Variants in DYNC1I1 observed in about 807,000 individuals in gnomAD.
DYNC1I1 encodes dynein cytoplasmic 1 intermediate chain 1.
A neutral mutation model predicts 86.6 loss-of-function variants in DYNC1I1; 43 were observed. The ratio of observed to expected loss-of-function variants is 0.50; its 90% CI spans 0.39 to 0.64. DYNC1I1 has a LOEUF of 0.64. DYNC1I1 is among the 30% of genes least tolerant of loss of function. DYNC1I1 has a pLI of 0.00. For synonymous variants in DYNC1I1, 262 were observed against 283.7 expected, an observed-to-expected ratio of 0.92 and a Z score of 0.77; for missense variants, 604 against 788.8, an observed-to-expected ratio of 0.77 and a Z score of 2.81.
At chr7:95,778,239 A>G (rs1425992332) in intron 1 of DYNC1I1, among the ~76,000 whole-genome samples, 1 of 152,238 alleles carries the variant, frequency 6.6e-6, no homozygotes, top group Admixed American at 6.5e-5. Flanking sequence ...GCCCCGAATA[A>G]TTCTACAACC....
At chr7:96,072,183 G>C (rs1343185437) in intron 14 of DYNC1I1, among the ~76,000 whole-genome samples, 1 of 152,158 alleles carries the variant, frequency 6.6e-6, no homozygotes, top group African/African-American at 2.4e-5. Context: ...GTCTGCCTGG[G>C]AGGTGACCGG....
intron 10 of DYNC1I1, among the ~76,000 whole-genome samples, chr7:96,006,188 G>T (rs1794137697): frequency 6.6e-6 from 1 of 152,154 alleles, no homozygotes; most frequent in Non-Finnish European, 1.5e-5. Flanking sequence ...TATGTGTAAT[G>T]GGAGATATAT....
At chr7:96,068,384 TTAAA>T (rs1790057905) in intron 14 of DYNC1I1, among the ~76,000 whole-genome samples, 1 of 152,232 alleles carries the variant, frequency 6.6e-6, no homozygotes, top group South Asian at 2.1e-4. Flanking sequence ...TGTACTCATA[TTAAA>T]TATAATGTAA....
At chr7:95,940,853 C>T (rs766947891) in intron 6 of DYNC1I1, among the ~76,000 whole-genome samples, 2 of 152,186 alleles carry the variant, frequency 1.3e-5, no homozygotes, top group Non-Finnish European at 2.9e-5. Context: ...GAGCTACGTT[C>T]CTTTGGAGGA....
At chr7:95,921,816 A>C (rs1791617859) in intron 6 of DYNC1I1, among the ~76,000 whole-genome samples, 1 of 152,224 alleles carries the variant, frequency 6.6e-6, no homozygotes, top group South Asian at 2.1e-4. Context: ...CTTTTAACCC[A>C]GTAAATACTT....
intron 6 of DYNC1I1, among the ~76,000 whole-genome samples, chr7:95,916,130 G>A (rs968856451): frequency 6.6e-6 from 1 of 152,086 alleles, no homozygotes; most frequent in Non-Finnish European, 1.5e-5. Flanking sequence ...TCATACTGGT[G>A]CCCATATTTA....
chr7:95,973,863 A>G (rs1026703088), intron 6 of DYNC1I1, among the ~76,000 whole-genome samples: 1 of 152,254 alleles, frequency 6.6e-6, no homozygotes, highest in South Asian at 2.1e-4. Context: ...TTTAAGAACT[A>G]GAAGATTTAA....
rs1158616903 is a variant in DYNC1I1, at chr7:95,781,839, G to C, written c.-10+9066G>C. On this transcript the variant is annotated intron_variant, in intron 1 of 16. Coordinates refer to ENST00000447467, the MANE Select transcript of DYNC1I1 (RefSeq NM_001135556.2). Reference sequence around the variant, plus strand: ...GGGCATTCCATAGCACTTTAAGATGGGGATGGTAAAGGAGGGGTGCTTGAA... The same window carrying C: ...GGGCATTCCATAGCACTTTAAGATGCGGATGGTAAAGGAGGGGTGCTTGAA... 2.6e-5 allele frequency among the ~76,000 whole-genome samples: 4 copies of C among 152,150 alleles called. No homozygotes were observed. The East Asian group carries it at 7.7e-4, about 29-fold the overall frequency.
chr7:95,876,447 A>T (rs1790311146), intron 6 of DYNC1I1, among the ~76,000 whole-genome samples: 1 of 152,152 alleles, frequency 6.6e-6, no homozygotes, highest in Non-Finnish European at 1.5e-5. Context: ...CTACAGTGGG[A>T]TTACAAAATT....
At chr7:96,040,014 G>A (rs1584270586) in intron 14 of DYNC1I1, among the ~76,000 whole-genome samples, 1 of 151,852 alleles carries the variant, frequency 6.6e-6, no homozygotes, top group African/African-American at 2.4e-5. Flanking sequence ...TGGGTGGATC[G>A]CTTGAGGTCA....
At chr7:95,918,684 C>T (rs550056084) in intron 6 of DYNC1I1, among the ~76,000 whole-genome samples, 186 of 152,230 alleles carry the variant, frequency 1.2e-3, no homozygotes, top group Non-Finnish European at 2.0e-3. Context: ...AACTAACTTC[C>T]TAGAGGTGAA....
At chr7:96,001,385 G>T (rs1273379307) in intron 10 of DYNC1I1, among the ~76,000 whole-genome samples, 1 of 152,112 alleles carries the variant, frequency 6.6e-6, no homozygotes, top group East Asian at 1.9e-4. Context: ...AGATGGATGG[G>T]ATTCTAACTA....
chr7:96,100,682 G>GTGTGTGTGTGTGTGTGT (rs1554447113), downstream of DYNC1I1, among the ~76,000 whole-genome samples: 38 of 150,754 alleles, frequency 2.5e-4, no homozygotes, highest in South Asian at 8.4e-4. Context: ...GTGTGTGTGT[G>GTGTGTGTGTGTGTGTGT]GTAAGGAAGA....
chr7:95,947,815 G>C (rs371207126), intron 6 of DYNC1I1, among the ~76,000 whole-genome samples: 1 of 152,172 alleles, frequency 6.6e-6, no homozygotes, highest in East Asian at 1.9e-4. Flanking sequence ...GAGAAAAGAG[G>C]TGAAAAACAC....
chr7:96,038,026 C>A lies in DYNC1I1; in HGVS notation c.1365-1251C>A, dbSNP rs545384352. 8.5e-4 allele frequency among the ~76,000 whole-genome samples: 130 copies of A among 152,222 alleles called. 1 individual carries two copies. Among genetic ancestry groups the A allele is most frequent in the Non-Finnish European group, 1.6e-3 (110 of 68,036 alleles). On this transcript the variant is annotated intron_variant, in intron 13 of 16. Coordinates refer to ENST00000447467, the MANE Select transcript of DYNC1I1 (RefSeq NM_001135556.2). ...AATCCTTTCAGGATGCTGTTAAGAG[C>A]AAGTGGAGTCTCACCAGGGGCCACT...
At chr7:95,854,741 G>T (rs778919190) in intron 5 of DYNC1I1, among the ~76,000 whole-genome samples, 1 of 152,144 alleles carries the variant, frequency 6.6e-6, no homozygotes. Context: ...CACAAATCAG[G>T]TAGGCCCCTC....
At chr7:95,912,239 G>A (rs1791356205) in intron 6 of DYNC1I1, among the ~76,000 whole-genome samples, 1 of 152,134 alleles carries the variant, frequency 6.6e-6, no homozygotes, top group Non-Finnish European at 1.5e-5. Context: ...GTTTCACCAT[G>A]TTGGCCAGGC....
intron 6 of DYNC1I1, among the ~76,000 whole-genome samples, chr7:95,946,270 C>G (rs1391587007): frequency 1.3e-5 from 2 of 151,410 alleles, no homozygotes; most frequent in East Asian, 3.9e-4. Context: ...ATGTCACAAA[C>G]CTGCACATCC....
chr7:96,105,123 C>A (rs1451407957), intron 16 of DYNC1I1, among the ~76,000 whole-genome samples: 1 of 151,472 alleles, frequency 6.6e-6, no homozygotes, highest in East Asian at 1.9e-4. Flanking sequence ...AATTTTTTAA[C>A]AAAATTTTTT....
Sources: gnomAD v4.1 joint callset for allele counts (sites outside exome capture counted in the v4.1 genomes callset) on GRCh38, gnomAD v4.1.1 for gene constraint, MANE v1.5 for transcripts, NCBI Gene and HGNC (gene_info 2026-07-23, HGNC 2026-07-21) for gene names.